The following ASAP2 variants were observed in gnomAD, a reference collection of about 807,000 sequenced individuals.
ASAP2 encodes the protein arf-GAP with SH3 domain, ANK repeat and PH domain-containing protein 2.
A neutral mutation model predicts 131.4 loss-of-function variants in ASAP2; 45 were observed. The ratio of observed to expected loss-of-function variants is 0.34; its 90% confidence interval spans 0.27 to 0.44. The LOEUF is 0.44. Ranked by LOEUF, ASAP2 falls within the 20% of genes least tolerant of loss-of-function variation. The pLI is 1.00. For missense variants in ASAP2, 1,011 were observed against 1,297.0 expected, an observed-to-expected ratio of 0.78 and a Z score of 3.39; for synonymous variants, 510 against 503.0, an observed-to-expected ratio of 1.01 and a Z score of -0.19.
intron 11 of ASAP2, among the ~76,000 whole-genome samples, 190 bp downstream of exon 11, chr2:9,344,990 GT>G (rs34867294): frequency 0.9 from 131,560 of 146,460 alleles, 60,347 homozygotes; most frequent in Non-Finnish European, 0.99. Flanking sequence ...GCCTGTTTAT[GT>G]TTTTTTTTTT....
Position 9,340,170 on chromosome 2 carries a change from G to A in ASAP2, c.850-4362G>A, listed in dbSNP as rs1169493347. The stretch of plus-strand genomic sequence containing the variant: ...CCCAATTAGCTGGGATTACAGGTAC[G>A]CGCCACCACGCCTGGCTAATTTTTG... On this transcript the variant is annotated intron_variant, in intron 9 of 27. Transcript: ENST00000281419. Among the ~76,000 whole-genome samples the A allele has an allele frequency of 2.0e-5, 3 of 152,164 alleles. No homozygotes were observed. The East Asian group carries it at 5.8e-4, about 29-fold the overall frequency.
intron 1 of ASAP2, among the ~76,000 whole-genome samples, chr2:9,269,755 A>G (rs1464429781): frequency 6.6e-6 from 1 of 152,024 alleles, no homozygotes; most frequent in African/African-American, 2.4e-5. Context: ...ACTGAATTTG[A>G]AATTTGAATG....
At chr2:9,291,972 G>A (rs11676820) in intron 2 of ASAP2, among the ~76,000 whole-genome samples, 2,003 of 152,158 alleles carry the variant, frequency 0.013, 50 homozygotes, top group African/African-American at 0.046. Context: ...ATGAAGAAAC[G>A]GTTTTTGCTG....
rs141664050 is a variant in ASAP2, at chr2:9,356,159, C to T, written c.1161-20C>T. 1.1e-3 allele frequency: 1,713 copies of T among 1,614,072 alleles called. 1 individual carries two copies. Among genetic ancestry groups the T allele is most frequent in the Non-Finnish European group, 1.3e-3 (1,581 of 1,179,964 alleles). On this transcript the variant is annotated intron_variant, in intron 13 of 27. Transcript: ENST00000281419. ...CCGTTGTTTGTGGAATTTAACACAG[C>T]GTTGCTCTTGTTTTTCTAGATGGAT...
chr2:9,207,333 G>A lies in ASAP2; in HGVS notation c.126+103G>A, dbSNP rs551730805. On this transcript the variant is annotated intron_variant, in intron 1 of 27. Transcript: ENST00000281419. The surrounding 1 kb of genome is among the most constrained non-coding windows in gnomAD (Gnocchi z 4.1). Reference sequence around the variant, plus strand: ...CCGAGAAAACTTTCTTTGCTCCGAAGCCGGACGCGGCCGGGCCAACCCTGC... The same window carrying A: ...CCGAGAAAACTTTCTTTGCTCCGAAACCGGACGCGGCCGGGCCAACCCTGC... The A allele has an allele frequency of 8.6e-6, 12 of 1,389,268 alleles. No homozygotes were observed. In the East Asian group the frequency reaches 2.9e-4, roughly 33 times the overall value. The allele number at this position is 1,389,268 out of a possible 1,614,324, so 86.1% of individuals were successfully genotyped here.
Position 9,331,061 on chromosome 2 carries a change from G to A in ASAP2, c.686+3150G>A, listed in dbSNP as rs529285931. On this transcript the variant is annotated intron_variant, in intron 7 of 27. Transcript: ENST00000281419. ...CGTGCGTGTTTCCACGTGTGGGAGCGCCTCTCATTCCCCCACCACACACGC... is the reference window on the plus strand; with the variant it reads ...CGTGCGTGTTTCCACGTGTGGGAGCACCTCTCATTCCCCCACCACACACGC... 5.3e-5 allele frequency among the ~76,000 whole-genome samples: 8 copies of A among 152,308 alleles called. No individual in the cohort carries two copies. The East Asian group carries it at 5.8e-4, about 11-fold the overall frequency.
At chr2:9,210,077 G>T (rs1156469694) in intron 1 of ASAP2, among the ~76,000 whole-genome samples, 1 of 152,174 alleles carries the variant, frequency 6.6e-6, no homozygotes, top group African/African-American at 2.4e-5. Context: ...CTTTATAGGC[G>T]AGGAAATTGA....
chr2:9,310,070 A>G (rs182745795), intron 3 of ASAP2, among the ~76,000 whole-genome samples: 531 of 152,326 alleles, frequency 3.5e-3, no homozygotes, highest in South Asian at 7.2e-3. Context: ...AATTGATACA[A>G]TGAGGTGTGA....
chr2:9,382,850 T>C (rs1674969697), intron 20 of ASAP2, among the ~76,000 whole-genome samples: 1 of 152,254 alleles, frequency 6.6e-6, no homozygotes, highest in Non-Finnish European at 1.5e-5. Flanking sequence ...TCTTCTTGCC[T>C]GCTGCATAGA....
chr2:9,360,792 A>G (rs1392276744), intron 15 of ASAP2, among the ~76,000 whole-genome samples: 1 of 152,222 alleles, frequency 6.6e-6, no homozygotes, highest in Non-Finnish European at 1.5e-5. Flanking sequence ...CTTGTTATTA[A>G]TGTAACATAA....
At chr2:9,230,077 G>A (rs1663052601) in intron 1 of ASAP2, among the ~76,000 whole-genome samples, 1 of 152,194 alleles carries the variant, frequency 6.6e-6, no homozygotes, top group African/African-American at 2.4e-5. Context: ...TTTACATACT[G>A]CATTAAAGGT....
chr2:9,266,634 T>C (rs1665967838), intron 1 of ASAP2, among the ~76,000 whole-genome samples: 1 of 152,130 alleles, frequency 6.6e-6, no homozygotes, highest in Non-Finnish European at 1.5e-5. Flanking sequence ...ACCACCCCGT[T>C]CTAGTCAAGA....
intron 1 of ASAP2, among the ~76,000 whole-genome samples, chr2:9,276,795 C>T (rs1334123678): frequency 1.3e-5 from 2 of 152,204 alleles, no homozygotes; most frequent in African/African-American, 2.4e-5. Flanking sequence ...CCACCTCGAC[C>T]TCTCAAAGTG....
chr2:9,376,486 A>C (rs1674411213), intron 17 of ASAP2, among the ~76,000 whole-genome samples: 1 of 152,032 alleles, frequency 6.6e-6, no homozygotes, highest in Non-Finnish European at 1.5e-5. Context: ...AGAACGCAAA[A>C]CTTTAAGCCT....
intron 2 of ASAP2, among the ~76,000 whole-genome samples, chr2:9,279,861 A>T (rs1464079751): frequency 2.0e-5 from 3 of 152,036 alleles, no homozygotes; most frequent in African/African-American, 7.3e-5. Context: ...TTACACATAC[A>T]TATTTTTTAC....
intron 1 of ASAP2, among the ~76,000 whole-genome samples, chr2:9,275,178 T>A (rs1419864190): frequency 6.6e-6 from 1 of 151,920 alleles, no homozygotes; most frequent in Non-Finnish European, 1.5e-5. Flanking sequence ...ACTTCTGGAT[T>A]TAAGTGATCC....
intron 14 of ASAP2, among the ~76,000 whole-genome samples, 174 bp downstream of exon 14, chr2:9,356,519 G>C (rs1227247009): frequency 6.6e-6 from 1 of 152,220 alleles, no homozygotes; most frequent in Non-Finnish European, 1.5e-5. Context: ...CGCGGCAGGG[G>C]AGAGGGGCGG....
intron 1 of ASAP2, among the ~76,000 whole-genome samples, chr2:9,209,943 A>G (rs1000960144): frequency 7.2e-5 from 11 of 152,366 alleles, no homozygotes; most frequent in African/African-American, 2.4e-4. Context: ...CCAAAGAATC[A>G]TTTTACAATT....
At chr2:9,273,278 C>T (rs1666535385) in intron 1 of ASAP2, among the ~76,000 whole-genome samples, 1 of 151,994 alleles carries the variant, frequency 6.6e-6, no homozygotes, top group Non-Finnish European at 1.5e-5. Flanking sequence ...TGGTTAATTC[C>T]TAGGTATTTA....
Sources: gnomAD v4.1 joint callset for allele counts (sites outside exome capture counted in the v4.1 genomes callset) on GRCh38, gnomAD v4.1.1 for gene constraint, Gnocchi (gnomAD v3.1) non-coding constraint, MANE v1.5 for transcripts, NCBI Gene and HGNC (gene_info 2026-07-23, HGNC 2026-07-21) for gene names.